Variants in CCDC66 observed in about 807,000 individuals in gnomAD.
CCDC66 encodes coiled-coil domain-containing protein 66.
A neutral mutation model predicts 128.3 loss-of-function variants in CCDC66; 133 were observed. The observed-to-expected ratio is 1.04, with a 90% CI of 0.90 to 1.20. The LOEUF (loss-of-function observed/expected upper bound fraction) is 1.20. CCDC66 is among the 50% of genes most tolerant of loss of function. The pLI, the probability that CCDC66 is intolerant of heterozygous loss-of-function variation, is 0.00. For synonymous variants in CCDC66, 387 were observed against 357.0 expected, an observed-to-expected ratio of 1.08 and a Z score of -0.95; for missense variants, 1,126 against 1,075.5, an observed-to-expected ratio of 1.05 and a Z score of -0.66.
chr3:56,563,743 A>G lies in CCDC66; in HGVS notation c.162A>G (p.Leu54=). 1 of 1,551,694 alleles carries G rather than the reference A, an allele frequency of 6.4e-7. No homozygotes were observed. The highest frequency in any genetic ancestry group is 8.7e-7 in the Non-Finnish European group (1 of 1,146,970). Residue 54 remains leucine, a synonymous_variant, in exon 4 of 18, where the codon CTA becomes CTG. Transcript: ENST00000394672. The stretch of plus-strand genomic sequence containing the variant: ...TAAGAACAAAAACTGGGCACATTCT[A>G]AAATCAACACAAGATACTTGTATTG... ...CPLRTKTGHI[L]KSTQDTCIGS...
chr3:56,592,992 C>T lies in CCDC66; in HGVS notation c.959C>T (p.Pro320Leu). Residue 320 changes from proline (P) to leucine (L), a missense_variant, in exon 8 of 18, where the codon CCT becomes CTT. Coordinates refer to ENST00000394672, the MANE Select transcript of CCDC66 (RefSeq NM_001141947.3). Reference protein sequence around the residue: ...QSRETVLLEHPFSAVKQELQR... With the variant: ...QSRETVLLEHLFSAVKQELQR... ...TAGGAAACAGTACTGCTGGAGCACCCTTTCAGTGCTGTGAAACAAGAACTG... is the reference window on the plus strand; with the variant it reads ...TAGGAAACAGTACTGCTGGAGCACCTTTTCAGTGCTGTGAAACAAGAACTG... 6.2e-7 allele frequency: 1 copy of T among 1,610,180 alleles called. No homozygotes were observed. Among genetic ancestry groups the T allele is most frequent in the South Asian group, 1.1e-5 (1 of 90,050 alleles).
chr3:56,582,190 C>T lies in CCDC66; in HGVS notation c.937-10780C>T, dbSNP rs540815127. On this transcript the variant is annotated intron_variant, in intron 7 of 17. Coordinates refer to ENST00000394672, the MANE Select transcript of CCDC66 (RefSeq NM_001141947.3). ...GCTGTGCTAGCAGTGAGCGAGGCTC[C>T]GTGGGCGTGGGACCCTCCAAGCCAG... Among the ~76,000 whole-genome samples, 30 of 152,010 alleles carry T rather than the reference C, an allele frequency of 2.0e-4. No individual in the cohort carries two copies. The South Asian group carries it at 5.0e-3, about 25-fold the overall frequency.
chr3:56,594,013 A>G lies in CCDC66; in HGVS notation c.1389A>G (p.Lys463=). ...AGGAACGAGACAGACGACGACAAAAACAATTAGAGCATCAGGTATTGCATT... is the reference window on the plus strand; with the variant it reads ...AGGAACGAGACAGACGACGACAAAAGCAATTAGAGCATCAGGTATTGCATT... ...QIEERDRRRQ[K]QLEHQKAITA... The change falls in exon 10 of 18, where the codon AAA becomes AAG. Residue 463 remains lysine (K), a synonymous_variant. Coordinates refer to ENST00000394672, the MANE Select transcript of CCDC66 (RefSeq NM_001141947.3). The G allele has an allele frequency of 6.2e-7, 1 of 1,613,950 alleles. No homozygotes were observed. Among genetic ancestry groups the G allele is most frequent in the Non-Finnish European group, 8.5e-7 (1 of 1,179,790 alleles).
intron 10 of CCDC66, among the ~76,000 whole-genome samples, chr3:56,607,466 A>G (rs775431006): frequency 1.3e-5 from 2 of 152,102 alleles, no homozygotes; most frequent in Non-Finnish European, 2.9e-5. Flanking sequence ...TAGAAGAGCT[A>G]CTGATTTGTG....
Position 56,621,740 on chromosome 3 carries a change from A to AACTT in CCDC66, c.*123_*126dup. 1 of 605,510 alleles carries AACTT rather than the reference A, an allele frequency of 1.7e-6. No homozygotes were observed. Among genetic ancestry groups the AACTT allele is most frequent in the Non-Finnish European group, 2.8e-6 (1 of 354,466 alleles). 37.5% of individuals were successfully genotyped at this position (605,510 alleles called of 1,614,324 possible). On this transcript the variant is annotated 3_prime_UTR_variant, in exon 18 of 18. Coordinates refer to ENST00000394672, the MANE Select transcript of CCDC66 (RefSeq NM_001141947.3). Reference sequence around the variant, plus strand: ...CTTATTTTTTTAAATGCTCATTAAAAACTTGTATACTATGTAGTAAAATGC... The same window carrying AACTT: ...CTTATTTTTTTAAATGCTCATTAAAAACTTACTTGTATACTATGTAGTAAAATGC...
At chr3:56,564,423 CATATTT>C (rs1462443594) in intron 4 of CCDC66, among the ~76,000 whole-genome samples, 1 of 152,108 alleles carries the variant, frequency 6.6e-6, no homozygotes, top group Non-Finnish European at 1.5e-5. Context: ...AGGCTTTACT[CATATTT>C]AAAATAGTTA....
intron 4 of CCDC66, among the ~76,000 whole-genome samples, chr3:56,564,378 A>G (rs1252284429): frequency 6.6e-6 from 1 of 152,222 alleles, no homozygotes; most frequent in Non-Finnish European, 1.5e-5. Context: ...ATGTTAGTAC[A>G]AAAAACTATT....
chr3:56,557,379 G>A (rs1577158282), intron 1 of CCDC66, 126 bp downstream of exon 1: 1 of 1,288,256 alleles, frequency 7.8e-7, no homozygotes, highest in African/African-American at 1.5e-5. Flanking sequence ...GCGCCGCCGA[G>A]AGGGGCAGAG....
intron 6 of CCDC66, chr3:56,569,758 A>G (rs1039298736): frequency 5.3e-5 from 8 of 152,260 alleles, no homozygotes; most frequent in African/African-American, 1.9e-4. Context: ...TTCCACATCA[A>G]AATGCAATAC....
intron 7 of CCDC66, among the ~76,000 whole-genome samples, chr3:56,582,488 A>C (rs6809905): frequency 0.012 from 1,850 of 151,912 alleles, 50 homozygotes; most frequent in African/African-American, 0.042. Flanking sequence ...TCACGCTGGA[A>C]GCTGCAGACT....
At chr3:56,561,514 C>T (rs2065095781) in intron 3 of CCDC66, 1 of 282,876 alleles carries the variant, frequency 3.5e-6, no homozygotes, top group Admixed American at 5.0e-5. Context: ...TGATGTTGAG[C>T]CTAAATTGTT....
rs1290615674 is a variant in CCDC66 at position 56,593,857 on chromosome 3, T to C, written c.1320-87T>C. The C allele has an allele frequency of 6.3e-6, 10 of 1,578,776 alleles. No homozygotes were observed. The African/African-American group carries it at 1.2e-4, about 19-fold the overall frequency. On this transcript the variant is annotated intron_variant, in intron 9 of 17. Coordinates refer to ENST00000394672, the MANE Select transcript of CCDC66 (RefSeq NM_001141947.3). Reference sequence around the variant, plus strand: ...TATTTGTCTTTGAAATAGAAATAATTAGTAGATTTATCCCAAACAAAAATG... The same window carrying C: ...TATTTGTCTTTGAAATAGAAATAATCAGTAGATTTATCCCAAACAAAAATG...
rs752556908 is a variant in CCDC66, at chr3:56,557,270, T to TAAGCA, written c.11+17_11+18insAAGCA. ...GAACTTGGGGTAAGCAGGGGTAAGC[T>TAAGCA]GGGGTAAGCTGGGGTAAGCAAGGTG... On this transcript the variant is annotated intron_variant, in intron 1 of 17. Coordinates refer to ENST00000394672, the MANE Select transcript of CCDC66 (RefSeq NM_001141947.3). 1.5e-4 allele frequency: 24 copies of TAAGCA among 156,482 alleles called. No homozygotes were observed. The highest frequency in any genetic ancestry group is 3.0e-4 in the African/African-American group (5 of 16,490). 9.7% of individuals were successfully genotyped at this position (156,482 alleles called of 1,614,324 possible). A position where few individuals can be genotyped will look rare whatever the true frequency, so the allele number is the denominator to read the frequency against.
chr3:56,619,924 A>G (rs767045823), intron 17 of CCDC66, 23 bp downstream of exon 17: 2 of 1,610,714 alleles, frequency 1.2e-6, no homozygotes, highest in East Asian at 4.5e-5. Flanking sequence ...TCAAGTGTAG[A>G]TATGTCTGTT....
At chr3:56,563,603 T>C in intron 3 of CCDC66, 81 bp from the exon 4 acceptor site, 1 of 1,148,966 alleles carries the variant, frequency 8.7e-7, no homozygotes, top group Non-Finnish European at 1.2e-6. Flanking sequence ...TTTAGAGGAC[T>C]GATTTATCAC....
intron 10 of CCDC66, among the ~76,000 whole-genome samples, chr3:56,610,274 G>T (rs1361251265): frequency 6.6e-6 from 1 of 152,126 alleles, no homozygotes; most frequent in Non-Finnish European, 1.5e-5. Context: ...TTCTATTGCT[G>T]AGACTTTCCA....
chr3:56,619,088 T>G, intron 15 of CCDC66, 183 bp from the exon 16 acceptor site: 1 of 529,046 alleles, frequency 1.9e-6, no homozygotes, highest in Non-Finnish European at 3.3e-6. Context: ...CACTGTGGCG[T>G]GCGCCTGTAA....
chr3:56,620,033 ATGTT>A (rs1222724073), intron 17 of CCDC66, 132 bp downstream of exon 17: 6 of 946,308 alleles, frequency 6.3e-6, no homozygotes, highest in Non-Finnish European at 9.2e-6. Context: ...CAGTTCCTGT[ATGTT>A]TGTTAGACAC....
At chr3:56,583,085 T>A (rs1408255171) in intron 7 of CCDC66, among the ~76,000 whole-genome samples, 1 of 151,420 alleles carries the variant, frequency 6.6e-6, no homozygotes, top group African/African-American at 2.4e-5. Flanking sequence ...CAGGCTGGTC[T>A]CAAACTCCTG....
Sources: gnomAD v4.1 joint callset for allele counts (sites outside exome capture counted in the v4.1 genomes callset) on GRCh38, gnomAD v4.1.1 for gene constraint, MANE v1.5 for transcripts, NCBI Gene and HGNC (gene_info 2026-07-23, HGNC 2026-07-21) for gene names.